Variants in FAT3 observed in about 807,000 individuals in gnomAD.
FAT3 encodes protocadherin Fat 3.
In FAT3, 95 loss-of-function variants were observed where a neutral mutation model predicts 310.2. The ratio of observed to expected loss-of-function variants is 0.31; its 90% CI spans 0.26 to 0.36. The LOEUF (loss-of-function observed/expected upper bound fraction) is 0.36, where lower values mean the gene tolerates loss of function less well. FAT3 is among the 10% of genes least tolerant of loss of function. FAT3 has a pLI of 1.00. For synonymous variants in FAT3, 2,314 were observed against 2,192.9 expected, an observed-to-expected ratio of 1.06 and a Z score of -1.54; for missense variants, 5,408 against 5,715.6, an observed-to-expected ratio of 0.95 and a Z score of 1.74.
chr11:92,280,157 C>T (rs568207120), intron 1 of FAT3, among the ~76,000 whole-genome samples: 18 of 152,206 alleles, frequency 1.2e-4, no homozygotes, highest in African/African-American at 4.3e-4. Flanking sequence ...GAAGAGGGAA[C>T]ATTAGTGACT....
At chr11:92,292,133 T>A (rs1165445218) in intron 1 of FAT3, among the ~76,000 whole-genome samples, 1 of 151,946 alleles carries the variant, frequency 6.6e-6, no homozygotes, top group Non-Finnish European at 1.5e-5. Flanking sequence ...TCCAAACAAG[T>A]GTATTTATTA....
At position 92,883,699 on chromosome 11, in the gene FAT3, C is replaced by T. The variant is rs1157339589; in HGVS notation, c.12937+306C>T. ...AAAACCCATCCTCTTCTCACAATAG[C>T]GGGCCACTGGTCAAAGTGCAAAAGA... is the stretch of plus-strand genomic sequence containing the variant. On this transcript the variant is annotated intron_variant, in intron 24 of 27. Coordinates refer to ENST00000525166, the MANE Select transcript of FAT3 (RefSeq NM_001367949.2). The surrounding 1 kb of genome is among the most constrained non-coding windows in gnomAD (Gnocchi z 4.2). 1.3e-5 allele frequency among the ~76,000 whole-genome samples: 2 copies of T among 152,128 alleles called. No individual in the cohort carries two copies. The highest frequency in any genetic ancestry group is 2.9e-5 in the Non-Finnish European group (2 of 68,030).
intron 2 of FAT3, among the ~76,000 whole-genome samples, chr11:92,516,835 T>C (rs1210103127): frequency 6.6e-6 from 1 of 152,162 alleles, no homozygotes; most frequent in Admixed American, 6.6e-5. Flanking sequence ...AGCATTCCTA[T>C]ACACCAATAG....
At chr11:92,336,089 G>C in intron 1 of FAT3, 5 of 517,754 alleles carry the variant, frequency 9.7e-6, no homozygotes, top group South Asian at 7.5e-5. Flanking sequence ...TGGATTCCAT[G>C]ATGGGAAGGT....
chr11:92,883,246 A>G lies in FAT3; in HGVS notation c.12790A>G (p.Thr4264Ala). 6.2e-7 allele frequency: 1 copy of G among 1,612,846 alleles called. No individual in the cohort carries two copies. Among genetic ancestry groups the G allele is most frequent in the East Asian group, 2.2e-5 (1 of 44,850 alleles). ...GCTGGGAGGCGAGCACCAGGAAATG[A>G]CCACGTTTCACCCTGAGTCGCCCCG... ...DGLGGEHQEM[T>A]TFHPESPRIL... The change falls in exon 24 of 28, where the codon ACC becomes GCC. Residue 4264 changes from threonine (T) to alanine (A), a missense_variant. By Grantham distance (58) the Thr-to-Ala change is moderately conservative. This residue lies in a region of FAT3 where 649 missense variants were observed against 666.2 expected (regional missense o/e 0.97). Transcript: ENST00000525166. This position sits in a 1 kb window ranked among gnomAD's most constrained non-coding sequence, Gnocchi z 4.2.
Position 92,435,978 on chromosome 11 carries a change from C to T in FAT3, c.3292+80574C>T, listed in dbSNP as rs185603197. On this transcript the variant is annotated intron_variant, in intron 2 of 27. Coordinates refer to ENST00000525166, the MANE Select transcript of FAT3 (RefSeq NM_001367949.2). ...CATCCATGTGGCCAATTAGTTGTCA[C>T]GTTACTAACATATATACACATGAAT... 7.9e-5 allele frequency among the ~76,000 whole-genome samples: 12 copies of T among 152,292 alleles called. No individual in the cohort carries two copies. The East Asian group carries it at 1.5e-3, about 20-fold the overall frequency.
chr11:92,656,280 C>T (rs1312330977), intron 3 of FAT3, among the ~76,000 whole-genome samples: 2 of 152,194 alleles, frequency 1.3e-5, no homozygotes, highest in Non-Finnish European at 2.9e-5. Context: ...AGCTAGAATA[C>T]AGCCAGTCAG....
intron 2 of FAT3, among the ~76,000 whole-genome samples, chr11:92,401,794 C>G (rs548262949): frequency 6.6e-5 from 10 of 152,310 alleles, no homozygotes; most frequent in Admixed American, 2.6e-4. Flanking sequence ...ACAAAGAAGC[C>G]TGCTATAGGA....
chr11:92,846,059 A>T (rs920345917), intron 19 of FAT3, among the ~76,000 whole-genome samples: 3 of 152,224 alleles, frequency 2.0e-5, no homozygotes, highest in Non-Finnish European at 2.9e-5. Context: ...TTTCTGGCAG[A>T]TGTCACCAAC....
At chr11:92,341,202 C>T (rs1479314159) in intron 1 of FAT3, among the ~76,000 whole-genome samples, 9 of 152,148 alleles carry the variant, frequency 5.9e-5, no homozygotes, top group Non-Finnish European at 1.3e-4. Context: ...ACAGATGTCC[C>T]GTCCCTGTAA....
At chr11:92,675,755 T>C (rs1379136842) in intron 3 of FAT3, among the ~76,000 whole-genome samples, 3 of 152,214 alleles carry the variant, frequency 2.0e-5, no homozygotes, top group African/African-American at 7.2e-5. Flanking sequence ...TTTAACTTGA[T>C]CATATTCTCC....
rs556657080 is a variant in FAT3, at chr11:92,305,125, C to T, written c.-17-46971C>T. On this transcript the variant is annotated intron_variant, in intron 1 of 27. Coordinates refer to ENST00000525166, the MANE Select transcript of FAT3 (RefSeq NM_001367949.2). ...TTTGCTTCTGCCCTCCCCTTTGTTG[C>T]AGTAGATCTGCTGAAGAATCTTGAA... 3.9e-5 allele frequency among the ~76,000 whole-genome samples: 6 copies of T among 152,146 alleles called. No homozygotes were observed. In the South Asian group the frequency reaches 1.2e-3, roughly 32 times the overall value.
chr11:92,521,140 G>GGT (rs144244070), intron 2 of FAT3, among the ~76,000 whole-genome samples: 6 of 151,342 alleles, frequency 4.0e-5, no homozygotes, highest in African/African-American at 4.8e-5. Flanking sequence ...AAAGTGCTTT[G>GGT]GTGTGTGTGT....
In FAT3 at chr11:92,762,004, A is replaced by G. The variant is rs1565573494; in HGVS notation, c.3818A>G (p.Glu1273Gly). 1.2e-6 allele frequency: 2 copies of G among 1,613,848 alleles called. No individual in the cohort carries two copies. Among genetic ancestry groups the G allele is most frequent in the Admixed American group, 1.7e-5 (1 of 60,008 alleles). Residue 1273 changes from glutamate (E) to glycine (G), a missense_variant, in exon 5 of 28, where the codon GAA becomes GGA. By Grantham distance (98) the Glu-to-Gly change is moderately conservative. Around this residue, in one of 5 missense-constraint regions of FAT3, gnomAD observed 4,588 missense variants for 4,809.8 expected, o/e 0.95. Coordinates refer to ENST00000525166, the MANE Select transcript of FAT3 (RefSeq NM_001367949.2). ...LPERDRKKRGEPIYRAFAFDR... is the reference protein window; with the variant it reads ...LPERDRKKRGGPIYRAFAFDR... ...GAACGTGACCGAAAGAAGAGAGGAG[A>G]ACCGATTTACAGGGCTTTTGCATTT...
intron 13 of FAT3, among the ~76,000 whole-genome samples, chr11:92,831,176 A>C (rs1390799829): frequency 6.6e-6 from 1 of 152,142 alleles, no homozygotes; most frequent in Non-Finnish European, 1.5e-5. Flanking sequence ...AAATCTCTTC[A>C]AGAAATGTTG....
chr11:92,544,744 C>G (rs1285089430), intron 3 of FAT3, among the ~76,000 whole-genome samples: 2 of 152,190 alleles, frequency 1.3e-5, no homozygotes, highest in African/African-American at 4.8e-5. Context: ...GTTCAGCATT[C>G]TCCTCTGGGA....
chr11:92,433,984 C>T (rs2135041336), intron 2 of FAT3, among the ~76,000 whole-genome samples: 1 of 146,850 alleles, frequency 6.8e-6, no homozygotes, highest in East Asian at 2.0e-4. Context: ...CCACTGCACT[C>T]CTGCCTGGGC....
intron 23 of FAT3, among the ~76,000 whole-genome samples, chr11:92,881,556 G>C (rs1042359199): frequency 2.0e-5 from 3 of 152,080 alleles, no homozygotes; most frequent in African/African-American, 7.2e-5. Context: ...GTAATAAAGC[G>C]GCATTTATTT....
chr11:92,597,298 C>T (rs753595413), intron 3 of FAT3, among the ~76,000 whole-genome samples: 18 of 152,190 alleles, frequency 1.2e-4, no homozygotes, highest in Admixed American at 2.6e-4. Flanking sequence ...AAGTGACAGG[C>T]ATTTTCTAAT....
Sources: gnomAD v4.1 joint callset for allele counts (sites outside exome capture counted in the v4.1 genomes callset) on GRCh38, gnomAD v4.1.1 for gene constraint, gnomAD v4.1.1 regional missense constraint, Gnocchi (gnomAD v3.1) non-coding constraint, MANE v1.5 for transcripts, NCBI Gene and HGNC (gene_info 2026-07-23, HGNC 2026-07-21) for gene names.